Variants in HDAC9 observed in about 807,000 individuals in gnomAD.
HDAC9 encodes MEF-2 interacting transcription repressor (MITR) protein.
Under a neutral mutation model 139.4 loss-of-function variants are expected in HDAC9, and 41 were observed. The observed-to-expected ratio is 0.29, with a 90% CI of 0.23 to 0.38. The LOEUF (loss-of-function observed/expected upper bound fraction) is 0.38. HDAC9 is among the 10% of genes least tolerant of loss of function. HDAC9 has a pLI of 1.00. For synonymous variants in HDAC9, 517 were observed against 476.2 expected (o/e 1.09, Z -1.12); for missense variants, 1,147 against 1,297.0 (o/e 0.88, Z 1.78).
At chr7:18,317,583 C>T (rs1482206628) in intron 1 of HDAC9, among the ~76,000 whole-genome samples, 2 of 152,138 alleles carry the variant, frequency 1.3e-5, no homozygotes, top group Non-Finnish European at 2.9e-5. Flanking sequence ...ATTTCCCAAA[C>T]GTGAGTTGAG....
chr7:18,959,832 A>C lies in HDAC9; in HGVS notation c.3022+5602A>C, dbSNP rs113184332. 5.5e-3 allele frequency among the ~76,000 whole-genome samples: 835 copies of C among 152,288 alleles called. 7 individuals are homozygous for C. Among genetic ancestry groups the C allele is most frequent in the African/African-American group, 0.019 (795 of 41,560 alleles). ...TTACTTAGTGAATTGAGGTCTTTTT[A>C]GAATTTCTTATTATGCCAACCAAGG... On this transcript the variant is annotated intron_variant, in intron 24 of 25. Coordinates refer to ENST00000686413, the MANE Select transcript of HDAC9 (RefSeq NM_178425.4).
chr7:18,945,765 A>T (rs890138556), intron 23 of HDAC9, among the ~76,000 whole-genome samples: 1 of 151,922 alleles, frequency 6.6e-6, no homozygotes, highest in East Asian at 1.9e-4. Context: ...TCAGCCAGGC[A>T]CAGTGGCTCA....
intron 21 of HDAC9, among the ~76,000 whole-genome samples, chr7:18,864,693 C>T (rs371450940): frequency 2.0e-5 from 3 of 151,478 alleles, no homozygotes; most frequent in African/African-American, 7.3e-5. Context: ...TCCCAAAATG[C>T]TCTACTTACA....
At chr7:18,325,136 A>G (rs769823115) in intron 1 of HDAC9, among the ~76,000 whole-genome samples, 1 of 152,108 alleles carries the variant, frequency 6.6e-6, no homozygotes, top group African/African-American at 2.4e-5. Flanking sequence ...AGAAGTTAAT[A>G]AAAAAAGACC....
intron 15 of HDAC9, among the ~76,000 whole-genome samples, chr7:18,764,500 A>G (rs950453562): frequency 1.3e-5 from 2 of 152,184 alleles, no homozygotes; most frequent in Admixed American, 6.6e-5. Context: ...AGTGTATCCA[A>G]AAGTTTAGCT....
intron 25 of HDAC9, among the ~76,000 whole-genome samples, chr7:18,987,676 G>A (rs940694102): frequency 4.6e-5 from 7 of 151,942 alleles, no homozygotes; most frequent in Non-Finnish European, 8.8e-5. Context: ...GGTAGAATTC[G>A]GCTGTGAATC....
chr7:18,905,903 TTTTC>T (rs1322711445), intron 22 of HDAC9, among the ~76,000 whole-genome samples: 6 of 151,844 alleles, frequency 4.0e-5, no homozygotes, highest in East Asian at 3.9e-4. Context: ...CTTTTCCTTC[TTTTC>T]TTTCTTTTCT....
intron 12 of HDAC9, among the ~76,000 whole-genome samples, chr7:18,717,495 G>A (rs1346085669): frequency 2.0e-5 from 3 of 149,356 alleles, no homozygotes. Flanking sequence ...ACAGTGGCGC[G>A]ATCTCAGCTC....
At chr7:18,831,708 C>G (rs1009920350) in intron 19 of HDAC9, among the ~76,000 whole-genome samples, 1 of 152,044 alleles carries the variant, frequency 6.6e-6, no homozygotes, top group Non-Finnish European at 1.5e-5. Context: ...TAAGGTGCCA[C>G]GTGGCCTTGA....
At chr7:18,274,868 A>G (rs1466893812) in intron 2 of HDAC9, among the ~76,000 whole-genome samples, 2 of 152,248 alleles carry the variant, frequency 1.3e-5, no homozygotes, top group Non-Finnish European at 2.9e-5. Context: ...GACATGCTTC[A>G]GAATGATAAA....
rs544279243 is a variant in HDAC9, at chr7:18,142,590, C to T, written c.-96-19639C>T. On this transcript the variant is annotated intron_variant, in intron 1 of 12. Coordinates refer to the HDAC9 transcript ENST00000417496. The stretch of plus-strand genomic sequence containing the variant: ...AAGGGAATTAGAGTTTTGTTAATTC[C>T]CTAGTTGTTTCTCTGCTTTAATCAG... Among the ~76,000 whole-genome samples, 49 of 152,272 alleles carry T rather than the reference C, an allele frequency of 3.2e-4. 1 individual carries two copies. In the South Asian group the frequency reaches 9.7e-3, roughly 30 times the overall value.
At chr7:18,461,520 A>G (rs1382470425) in intron 1 of HDAC9, among the ~76,000 whole-genome samples, 1 of 152,128 alleles carries the variant, frequency 6.6e-6, no homozygotes, top group African/African-American at 2.4e-5. Context: ...TTTGCCCCTC[A>G]TTTTGTTAGC....
intron 13 of HDAC9, among the ~76,000 whole-genome samples, chr7:18,733,241 G>GTA (rs948957593): frequency 2.0e-5 from 3 of 147,192 alleles, no homozygotes; most frequent in African/African-American, 7.5e-5. Context: ...ATATACATGT[G>GTA]TATATATGTA....
rs556281866 is a variant in HDAC9, at chr7:18,203,796, C to T, written c.25+41447C>T. Among the ~76,000 whole-genome samples the T allele has an allele frequency of 7.2e-5, 11 of 152,302 alleles. No homozygotes were observed. In the East Asian group the frequency reaches 1.3e-3, roughly 19 times the overall value. ...GCACACCAGTTGTGTCTCAACACAG[C>T]GGCTGATCTGGTAGAGTTGTGTGAA... On this transcript the variant is annotated intron_variant, in intron 2 of 12. Transcript: ENST00000417496.
intron 15 of HDAC9, among the ~76,000 whole-genome samples, chr7:18,766,325 A>G (rs6958865): frequency 0.16 from 23,727 of 152,258 alleles, 3,356 homozygotes; most frequent in African/African-American, 0.36. Flanking sequence ...TTCTCTATTC[A>G]TGTAGTAGAT....
intron 12 of HDAC9, among the ~76,000 whole-genome samples, chr7:18,707,126 G>C (rs1562869897): frequency 6.6e-6 from 1 of 152,226 alleles, no homozygotes. Flanking sequence ...GCCACAAAGA[G>C]AGGGAGGAAC....
At chr7:18,391,131 T>A in intron 1 of HDAC9, among the ~76,000 whole-genome samples, 1 of 152,112 alleles carries the variant, frequency 6.6e-6, no homozygotes, top group East Asian at 1.9e-4. Context: ...ATGCCTGTAA[T>A]CCTAGCACTT....
intron 24 of HDAC9, among the ~76,000 whole-genome samples, chr7:18,956,183 C>T (rs1392085610): frequency 3.9e-5 from 6 of 152,050 alleles, no homozygotes; most frequent in Admixed American, 3.9e-4. Context: ...CTATTTTACA[C>T]CACCCAACAG....
chr7:18,909,869 T>G (rs953038563), intron 22 of HDAC9, among the ~76,000 whole-genome samples: 4 of 152,094 alleles, frequency 2.6e-5, no homozygotes, highest in Non-Finnish European at 5.9e-5. Context: ...GCTTGTAGTA[T>G]ATTTTGAGGT....
Sources: allele counts gnomAD v4.1 joint callset (sites outside exome capture counted in the v4.1 genomes callset), GRCh38; gene constraint gnomAD v4.1.1; transcripts MANE v1.5; gene names NCBI Gene and HGNC (gene_info 2026-07-23, HGNC 2026-07-21).